The following PSMA1 variants were observed in gnomAD, a reference collection of about 807,000 sequenced individuals.
The protein encoded by PSMA1 is proteasome 20S subunit alpha 1.
PSMA1 carries 3 observed loss-of-function variants against 38.4 expected under a neutral mutation model. That is an observed-to-expected ratio of 0.08 (90% confidence interval 0.04 to 0.20). The LOEUF (loss-of-function observed/expected upper bound fraction) is 0.20. Among genes scored for constraint, PSMA1 ranks in the 10% least tolerant of loss-of-function variants. PSMA1 has a pLI of 1.00. For missense variants in PSMA1, 227 were observed against 325.3 expected, an observed-to-expected ratio of 0.70 and a Z score of 2.32; for synonymous variants, 101 against 107.1, an observed-to-expected ratio of 0.94 and a Z score of 0.35.
In PSMA1 at chr11:14,510,884, G is replaced by A. The variant is rs1198949398; in HGVS notation, c.612C>T (p.Asp204=). ...ALRETLPAEQ[D]LTTKNVSIGI... is the part of the protein sequence containing the mutation. ...AGACAATACTTACCTTTGTAGTCAGGTCCTGTTCTGCAGGAAGCGTCTCTC... is the reference window on the plus strand; with the variant it reads ...AGACAATACTTACCTTTGTAGTCAGATCCTGTTCTGCAGGAAGCGTCTCTC... Residue 204 remains aspartate (D), a synonymous_variant, in exon 8 of 10, where the codon GAC becomes GAT. Coordinates refer to ENST00000396394, the MANE Select transcript of PSMA1 (RefSeq NM_002786.4). The A allele has an allele frequency of 3.7e-6, 6 of 1,605,650 alleles. No homozygotes were observed. In the South Asian group the frequency reaches 6.7e-5, roughly 18 times the overall value.
At chr11:14,577,368 C>T (rs1341560013) in intron 2 of PSMA1, among the ~76,000 whole-genome samples, 1 of 152,114 alleles carries the variant, frequency 6.6e-6, no homozygotes, top group Non-Finnish European at 1.5e-5. Context: ...CTCAGGTACT[C>T]CAGTCTCATA....
At chr11:14,608,372 G>A (rs762291326) in intron 2 of PSMA1, among the ~76,000 whole-genome samples, 1 of 151,328 alleles carries the variant, frequency 6.6e-6, no homozygotes, top group Non-Finnish European at 1.5e-5. Flanking sequence ...TATATAAAAT[G>A]GACACAGGAA....
At chr11:14,519,294 C>A in intron 1 of PSMA1, 1 of 533,492 alleles carries the variant, frequency 1.9e-6, no homozygotes, top group South Asian at 1.6e-5. Flanking sequence ...TCCATATCAA[C>A]CCCTTTAGGC....
intron 2 of PSMA1, among the ~76,000 whole-genome samples, chr11:14,566,122 T>C (rs1411418908): frequency 1.3e-5 from 2 of 152,074 alleles, no homozygotes; most frequent in African/African-American, 4.8e-5. Context: ...TTGGAGGTAA[T>C]GGGGCTAGGG....
chr11:14,524,109 CAAAAAAAAAAAAAAAAAAA>C (rs71044009), upstream of PSMA1, among the ~76,000 whole-genome samples: 1 of 54,204 alleles, frequency 1.8e-5, no homozygotes, highest in Admixed American at 3.0e-4. Flanking sequence ...GACCCTGTCT[CAAAAAAAAAAAAAAAAAAA>C]AAAAAAAAAA....
At chr11:14,572,497 T>A (rs1034617124) in intron 2 of PSMA1, among the ~76,000 whole-genome samples, 1 of 152,328 alleles carries the variant, frequency 6.6e-6, no homozygotes, top group African/African-American at 2.4e-5. Flanking sequence ...CCAGAAACTC[T>A]GGGACACATT....
intron 1 of PSMA1, among the ~76,000 whole-genome samples, chr11:14,626,628 T>A (rs2133714813): frequency 6.6e-6 from 1 of 152,276 alleles, no homozygotes; most frequent in South Asian, 2.1e-4. Flanking sequence ...CTACAACTTG[T>A]AAGAAACCTG....
chr11:14,536,608 AT>A (rs887669030), intron 2 of PSMA1, among the ~76,000 whole-genome samples: 5 of 150,944 alleles, frequency 3.3e-5, no homozygotes, highest in Admixed American at 2.7e-4. Context: ...ATTTAAAAAA[AT>A]TTTTTTTTAT....
chr11:14,559,932 G>A (rs1851989966), intron 2 of PSMA1, among the ~76,000 whole-genome samples: 1 of 152,048 alleles, frequency 6.6e-6, no homozygotes. Context: ...TTAAACTGCA[G>A]TAGGGTCACA....
At chr11:14,639,879 T>C (rs892797256) in intron 1 of PSMA1, among the ~76,000 whole-genome samples, 1 of 152,190 alleles carries the variant, frequency 6.6e-6, no homozygotes, top group South Asian at 2.1e-4. Flanking sequence ...TACCTGCTAC[T>C]CCTACTGTAG....
intron 2 of PSMA1, among the ~76,000 whole-genome samples, chr11:14,601,645 G>C (rs1338482756): frequency 6.6e-6 from 1 of 152,152 alleles, no homozygotes; most frequent in East Asian, 1.9e-4. Context: ...GGAAAATCAG[G>C]ATGTCATGGG....
chr11:14,517,983 T>TAA lies in PSMA1; in HGVS notation c.49-4_49-3dup. 6.4e-7 allele frequency: 1 copy of TAA among 1,551,594 alleles called. No homozygotes were observed. ...ATATTCAATTTGATGAATCCTGCCC[T>TAA]AAAGAAAAAAAAAACAAAAAACACA... is the stretch of plus-strand genomic sequence containing the variant. On this transcript the variant is annotated splice_polypyrimidine_tract_variant and splice_region_variant and intron_variant, in intron 2 of 9. Coordinates refer to ENST00000396394, the MANE Select transcript of PSMA1 (RefSeq NM_002786.4).
chr11:14,620,016 G>A (rs11823671), intron 1 of PSMA1, among the ~76,000 whole-genome samples: 2,812 of 152,200 alleles, frequency 0.018, 83 homozygotes, highest in African/African-American at 0.065. Flanking sequence ...CTAACAGTAA[G>A]GACAACAGTG....
At chr11:14,538,707 G>C (rs1210647048) in intron 2 of PSMA1, among the ~76,000 whole-genome samples, 1 of 152,220 alleles carries the variant, frequency 6.6e-6, no homozygotes, top group Non-Finnish European at 1.5e-5. Flanking sequence ...GCATCAGAGG[G>C]AGCACCGTTT....
rs766153718 is a variant in PSMA1 at position 14,616,206 on chromosome 11, A to C, written c.-165-5055T>G. Among the ~76,000 whole-genome samples the C allele has an allele frequency of 3.9e-3, 585 of 148,738 alleles. 5 individuals carry two copies. Among genetic ancestry groups the C allele is most frequent in the Non-Finnish European group, 6.4e-3 (427 of 67,172 alleles). ...TTTCTTAAACTTCCCTAACTATTGG[A>C]GGTGAGAGTTGGAGGATCCCAACAG... On this transcript the variant is annotated intron_variant, in intron 1 of 10. Coordinates refer to the PSMA1 transcript ENST00000418988.
At chr11:14,538,091 A>C (rs530376404) in intron 2 of PSMA1, among the ~76,000 whole-genome samples, 1 of 152,304 alleles carries the variant, frequency 6.6e-6, no homozygotes, top group South Asian at 2.1e-4. Context: ...TAATATAAAA[A>C]AATTTTTTTT....
chr11:14,620,657 T>C (rs565718876), intron 1 of PSMA1, among the ~76,000 whole-genome samples: 1 of 152,374 alleles, frequency 6.6e-6, no homozygotes, highest in Admixed American at 6.5e-5. Context: ...TGAGGTCGTC[T>C]AGACCTAGTT....
At chr11:14,523,075 A>C (rs1436276214), upstream of PSMA1, among the ~76,000 whole-genome samples, 2 of 152,182 alleles carry the variant, frequency 1.3e-5, no homozygotes, top group Non-Finnish European at 2.9e-5. Context: ...TACATCCTTT[A>C]TTCACAGCAA....
chr11:14,619,959 T>C (rs1852821386), intron 1 of PSMA1, among the ~76,000 whole-genome samples: 1 of 152,182 alleles, frequency 6.6e-6, no homozygotes, highest in Admixed American at 6.5e-5. Context: ...GCATTTTAAG[T>C]TGTATTTTTT....
Sources: gnomAD v4.1 joint callset for allele counts (sites outside exome capture counted in the v4.1 genomes callset) on GRCh38, gnomAD v4.1.1 for gene constraint, MANE v1.5 for transcripts, NCBI Gene and HGNC (gene_info 2026-07-23, HGNC 2026-07-21) for gene names.